Variants in CREB5 observed in about 807,000 individuals in gnomAD.
CREB5 encodes the protein cAMP responsive element binding protein 5, also known as cyclic AMP-responsive element-binding protein 5.
In CREB5, 19 loss-of-function variants were observed where a neutral mutation model predicts 57.1. That is an observed-to-expected ratio of 0.33 (90% CI 0.23 to 0.49). The LOEUF (loss-of-function observed/expected upper bound fraction) is 0.49. CREB5 is among the 20% of genes least tolerant of loss of function. The pLI is 0.99. For synonymous variants in CREB5, 238 were observed against 238.3 expected, an observed-to-expected ratio of 1.00 and a Z score of 0.01; for missense variants, 579 against 671.6, an observed-to-expected ratio of 0.86 and a Z score of 1.52.
intron 7 of CREB5, among the ~76,000 whole-genome samples, chr7:28,757,819 C>T (rs982550786): frequency 1.3e-5 from 2 of 152,012 alleles, no homozygotes; most frequent in South Asian, 2.1e-4. Flanking sequence ...TACATTACAC[C>T]GGTTGAGCAT....
chr7:28,775,341 T>C (rs1806558764), intron 7 of CREB5, among the ~76,000 whole-genome samples: 2 of 152,006 alleles, frequency 1.3e-5, no homozygotes, highest in African/African-American at 4.8e-5. Context: ...CCTATCAATT[T>C]TTCTCTAGTT....
At chr7:28,708,452 A>G (rs1313000500) in intron 5 of CREB5, among the ~76,000 whole-genome samples, 1 of 152,176 alleles carries the variant, frequency 6.6e-6, no homozygotes, top group Non-Finnish European at 1.5e-5. Flanking sequence ...TTGGTCTCCC[A>G]GGAGAGATAT....
chr7:28,512,009 A>T (rs982313079), intron 4 of CREB5, among the ~76,000 whole-genome samples: 58 of 152,178 alleles, frequency 3.8e-4, no homozygotes, highest in Non-Finnish European at 1.3e-4. Context: ...AGCCAACAGG[A>T]TTTGCTGATG....
intron 7 of CREB5, 82 bp from the exon 8 acceptor site, chr7:28,804,117 G>A: frequency 7.7e-7 from 1 of 1,296,458 alleles, no homozygotes; most frequent in East Asian, 2.3e-5. Context: ...AATTGAAAAT[G>A]TGAGTCATTT....
chr7:28,712,753 C>G (rs1802468883), intron 5 of CREB5, among the ~76,000 whole-genome samples: 1 of 151,770 alleles, frequency 6.6e-6, no homozygotes, highest in Non-Finnish European at 1.5e-5. Context: ...AGACTGGTCT[C>G]AAACTCCTGA....
chr7:28,587,777 G>A (rs576397977), intron 5 of CREB5, among the ~76,000 whole-genome samples: 3 of 152,300 alleles, frequency 2.0e-5, no homozygotes, highest in East Asian at 3.9e-4. Flanking sequence ...CACATGTGTT[G>A]AGAGGTTATA....
At chr7:28,677,040 C>T (rs1039284288) in intron 5 of CREB5, among the ~76,000 whole-genome samples, 15 of 152,104 alleles carry the variant, frequency 9.9e-5, no homozygotes, top group Non-Finnish European at 1.9e-4. Flanking sequence ...GGAAAAGTCA[C>T]TATAGCCAAT....
At chr7:28,433,592 C>T (rs1418644312) in intron 1 of CREB5, among the ~76,000 whole-genome samples, 1 of 152,152 alleles carries the variant, frequency 6.6e-6, no homozygotes, top group Non-Finnish European at 1.5e-5. Flanking sequence ...CCACGTCAGC[C>T]TCTTGAGTAG....
At chr7:28,653,358 T>C (rs1425462252) in intron 5 of CREB5, among the ~76,000 whole-genome samples, 2 of 152,202 alleles carry the variant, frequency 1.3e-5, no homozygotes, top group Admixed American at 1.3e-4. Flanking sequence ...CTTGTCAGTG[T>C]GTTGACATGG....
rs146116737 is a variant in CREB5, at chr7:28,721,235, G to C, written c.591+2356G>C. Among the ~76,000 whole-genome samples, 488 of 152,286 alleles carry C rather than the reference G, an allele frequency of 3.2e-3. 2 individuals are homozygous for C. Among genetic ancestry groups the C allele is most frequent in the African/African-American group, 0.011 (459 of 41,568 alleles). Reference sequence around the variant, plus strand: ...ACAGGCACCTGCTGGGTAGAGGCCAGGGATGCTGCCAAACATCCTACAATG... The same window carrying C: ...ACAGGCACCTGCTGGGTAGAGGCCACGGATGCTGCCAAACATCCTACAATG... On this transcript the variant is annotated intron_variant, in intron 6 of 10. Coordinates refer to ENST00000357727, the MANE Select transcript of CREB5 (RefSeq NM_182898.4).
intron 7 of CREB5, among the ~76,000 whole-genome samples, chr7:28,765,580 AG>A: frequency 6.6e-6 from 1 of 152,356 alleles, no homozygotes; most frequent in South Asian, 2.1e-4. Context: ...ATAGGTAGAC[AG>A]GAAGGGAGAA....
chr7:28,334,681 G>GTGCAGAAGT (rs1345931059), intron 1 of CREB5, among the ~76,000 whole-genome samples: 1 of 151,954 alleles, frequency 6.6e-6, no homozygotes, highest in African/African-American at 2.4e-5. Context: ...TTCCTTTGTT[G>GTGCAGAAGT]TGCAGAAGTT....
At chr7:28,371,448 C>T (rs1188488446) in intron 1 of CREB5, among the ~76,000 whole-genome samples, 2 of 143,432 alleles carry the variant, frequency 1.4e-5, no homozygotes, top group Non-Finnish European at 3.0e-5. Context: ...AAGATCGCGA[C>T]ACTGCACTCC....
chr7:28,405,373 G>A (rs561514077), intron 1 of CREB5, among the ~76,000 whole-genome samples: 1 of 152,280 alleles, frequency 6.6e-6, no homozygotes, highest in African/African-American at 2.4e-5. Context: ...GCCTTCTCTA[G>A]GGATATGTTC....
chr7:28,504,451 T>TG (rs775761352), intron 3 of CREB5, among the ~76,000 whole-genome samples: 4 of 152,126 alleles, frequency 2.6e-5, no homozygotes, highest in African/African-American at 7.2e-5. Context: ...AGGAGGCCCT[T>TG]GGGGGGTTTA....
At chr7:28,451,148 A>G (rs531179230) in intron 1 of CREB5, among the ~76,000 whole-genome samples, 135 of 152,296 alleles carry the variant, frequency 8.9e-4, no homozygotes, top group Non-Finnish European at 1.4e-3. Flanking sequence ...AGGTGCGCAA[A>G]GGGAAGTAGA....
intron 1 of CREB5, among the ~76,000 whole-genome samples, chr7:28,315,871 T>A (rs992054483): frequency 6.6e-6 from 1 of 152,210 alleles, no homozygotes; most frequent in Non-Finnish European, 1.5e-5. Flanking sequence ...ACTGGCTCAC[T>A]GGCTGGCTGC....
intron 8 of CREB5, among the ~76,000 whole-genome samples, chr7:28,808,243 G>A (rs570125910): frequency 3.9e-4 from 59 of 152,284 alleles, no homozygotes; most frequent in Middle Eastern, 3.4e-3. Flanking sequence ...AGGCAGGCCC[G>A]GCTGGAGTAT....
At chr7:28,364,449 A>G (rs1258803776) in intron 1 of CREB5, among the ~76,000 whole-genome samples, 2 of 152,198 alleles carry the variant, frequency 1.3e-5, no homozygotes, top group Non-Finnish European at 2.9e-5. Flanking sequence ...AACAACATGT[A>G]TCTTCTAGCT....
Sources: gnomAD v4.1 joint callset for allele counts (sites outside exome capture counted in the v4.1 genomes callset) on GRCh38, gnomAD v4.1.1 for gene constraint, MANE v1.5 for transcripts, NCBI Gene and HGNC (gene_info 2026-07-23, HGNC 2026-07-21) for gene names.